The following PDE5A variants were observed in gnomAD, a reference collection of about 807,000 sequenced individuals.
PDE5A encodes the protein phosphodiesterase 5A.
In PDE5A, 67 loss-of-function variants were observed where a neutral mutation model predicts 110.2. That is an observed-to-expected ratio of 0.61 (90% CI 0.50 to 0.75). PDE5A has a LOEUF of 0.75. Among genes scored for constraint, PDE5A ranks in the 30% least tolerant of loss-of-function variants. PDE5A has a pLI of 0.00. For missense variants in PDE5A, 862 were observed against 1,045.1 expected (o/e 0.82, Z 2.42); for synonymous variants, 328 against 351.2 (o/e 0.93, Z 0.74).
intron 3 of PDE5A, among the ~76,000 whole-genome samples, chr4:119,594,830 C>T (rs1578809930): frequency 6.6e-6 from 1 of 152,304 alleles, no homozygotes; most frequent in East Asian, 1.9e-4. Context: ...TTGTGATCAG[C>T]AGACCCAGGT....
rs1244916268 is a variant in PDE5A at position 119,497,034 on chromosome 4, T to C, written c.*1567A>G. On this transcript the variant is annotated 3_prime_UTR_variant, in exon 21 of 21. Transcript: ENST00000354960. Reference sequence around the variant, plus strand: ...CAGAATTTTAAAAACTTAAGGAACATACTGAATTTTAGGCAAAATTTAGGG... The same window carrying C: ...CAGAATTTTAAAAACTTAAGGAACACACTGAATTTTAGGCAAAATTTAGGG... The C allele has an allele frequency of 6.6e-6, 1 of 152,080 alleles. No individual in the cohort carries two copies. Among genetic ancestry groups the C allele is most frequent in the Non-Finnish European group, 1.5e-5 (1 of 68,000 alleles). The allele number at this position is 152,080 out of a possible 1,614,324, so 9.4% of individuals were successfully genotyped here.
At chr4:119,567,010 G>T in intron 4 of PDE5A, 63 bp downstream of exon 4, 1 of 1,106,146 alleles carries the variant, frequency 9.0e-7, no homozygotes. Flanking sequence ...ACCTAGAGGT[G>T]TATATACTAT....
chr4:119,505,826 T>A (rs765624224), intron 17 of PDE5A, 29 bp downstream of exon 17: 1 of 1,304,368 alleles, frequency 7.7e-7, no homozygotes, highest in South Asian at 1.3e-5. Flanking sequence ...GTAAAAAACT[T>A]CAGCTTTAAA....
intron 9 of PDE5A, chr4:119,543,402 A>C (rs1478944508): frequency 6.6e-6 from 1 of 152,034 alleles, no homozygotes; most frequent in Non-Finnish European, 1.5e-5. Flanking sequence ...GTGTTGTTAA[A>C]GTCCTTATCA....
chr4:119,502,464 AAAAATAAAATGAG>A (rs1368857929), intron 19 of PDE5A, 104 bp downstream of exon 19: 4 of 612,260 alleles, frequency 6.5e-6, no homozygotes, highest in Non-Finnish European at 1.1e-5. Flanking sequence ...AAAAGTTTTA[AAAAATAAAATGAG>A]AAATTGTGGT....
intron 3 of PDE5A, among the ~76,000 whole-genome samples, chr4:119,589,890 A>G (rs965004805): frequency 5.3e-5 from 8 of 152,188 alleles, no homozygotes; most frequent in African/African-American, 1.9e-4. Context: ...TGCCACCTCA[A>G]GTCCTGCTTC....
chr4:119,625,160 A>G (rs1243612379), intron 1 of PDE5A, among the ~76,000 whole-genome samples: 1 of 151,832 alleles, frequency 6.6e-6, no homozygotes, highest in African/African-American at 2.4e-5. Context: ...ATACCTGGCT[A>G]ATTTTTGTAT....
intron 1 of PDE5A, among the ~76,000 whole-genome samples, chr4:119,624,478 G>A (rs530241418): frequency 6.6e-6 from 1 of 152,294 alleles, no homozygotes; most frequent in South Asian, 2.1e-4. Context: ...CAGCTTTGCA[G>A]TATCAAATAA....
intron 11 of PDE5A, among the ~76,000 whole-genome samples, chr4:119,537,518 AC>A (rs1215650269): frequency 1.3e-5 from 2 of 151,898 alleles, no homozygotes; most frequent in Non-Finnish European, 2.9e-5. Context: ...TTGTTTAACT[AC>A]CACTTCTCTA....
Position 119,567,174 on chromosome 4 carries a change from T to G in PDE5A, c.832-30A>C, listed in dbSNP as rs951473650. ...TATAAGGAGAGAAAAGCGACAATTT[T>G]TTTATTGACTGAAATTACTTGTAAA... On this transcript the variant is annotated intron_variant, in intron 3 of 20. Coordinates refer to ENST00000354960, the MANE Select transcript of PDE5A (RefSeq NM_001083.4). 8 of 1,481,920 alleles carry G rather than the reference T, an allele frequency of 5.4e-6. No individual in the cohort carries two copies. The African/African-American group carries it at 1.1e-4, about 21-fold the overall frequency. 91.8% of individuals were successfully genotyped at this position (1,481,920 alleles called of 1,614,324 possible).
At chr4:119,565,977 T>C in intron 4 of PDE5A, among the ~76,000 whole-genome samples, 1 of 147,058 alleles carries the variant, frequency 6.8e-6, no homozygotes, top group Admixed American at 6.8e-5. Flanking sequence ...TTATAATTAA[T>C]AATAATTAAT....
chr4:119,531,576 CA>C (rs959364486), intron 11 of PDE5A, among the ~76,000 whole-genome samples: 1 of 151,620 alleles, frequency 6.6e-6, no homozygotes, highest in African/African-American at 2.4e-5. Context: ...CACGCCTGGC[CA>C]AAAAAATGAG....
intron 2 of PDE5A, among the ~76,000 whole-genome samples, chr4:119,603,666 T>C (rs1381893310): frequency 6.6e-6 from 1 of 152,220 alleles, no homozygotes; most frequent in Non-Finnish European, 1.5e-5. Flanking sequence ...TTACAAAGTT[T>C]TAAAAGTGAA....
intron 11 of PDE5A, among the ~76,000 whole-genome samples, chr4:119,534,410 G>T (rs752968986): frequency 3.9e-5 from 6 of 152,106 alleles, no homozygotes; most frequent in Non-Finnish European, 8.8e-5. Flanking sequence ...GAGGGATCTC[G>T]GTTGCATGCT....
intron 3 of PDE5A, among the ~76,000 whole-genome samples, chr4:119,582,625 G>A (rs982540349): frequency 6.6e-6 from 1 of 152,134 alleles, no homozygotes; most frequent in African/African-American, 2.4e-5. Context: ...TGTCAGCTAT[G>A]GCCTTACGAA....
intron 1 of PDE5A, chr4:119,628,032 C>A (rs1730425487): frequency 1.0e-6 from 1 of 986,056 alleles, no homozygotes; most frequent in African/African-American, 1.7e-5. Flanking sequence ...TGGGCTGTCC[C>A]GTGGACTCGT....
At chr4:119,564,149 T>C (rs1013432756) in intron 5 of PDE5A, among the ~76,000 whole-genome samples, 1 of 151,856 alleles carries the variant, frequency 6.6e-6, no homozygotes, top group African/African-American at 2.4e-5. Flanking sequence ...ATATGTATTA[T>C]ATGCCATGTT....
intron 3 of PDE5A, among the ~76,000 whole-genome samples, chr4:119,569,075 C>G (rs542546341): frequency 6.6e-6 from 1 of 151,040 alleles, no homozygotes; most frequent in Non-Finnish European, 1.5e-5. Flanking sequence ...GCTCTGTTGC[C>G]CAGGCTGGAG....
chr4:119,607,440 A>C, intron 1 of PDE5A, 143 bp from the exon 2 acceptor site: 1 of 641,146 alleles, frequency 1.6e-6, no homozygotes, highest in South Asian at 2.1e-5. Context: ...TGGTTTACTT[A>C]AGACATATGA....
Sources: allele counts gnomAD v4.1 joint callset (sites outside exome capture counted in the v4.1 genomes callset), GRCh38; gene constraint gnomAD v4.1.1; transcripts MANE v1.5; gene names NCBI Gene and HGNC (gene_info 2026-07-23, HGNC 2026-07-21).